TMEM132B: variants seen among roughly 807,000 people sequenced by gnomAD.
TMEM132B encodes the protein transmembrane protein 132B.
Under a neutral mutation model 90.8 loss-of-function variants are expected in TMEM132B, and 18 were observed. The observed-to-expected ratio is 0.20, with a 90% CI of 0.14 to 0.29. The LOEUF (loss-of-function observed/expected upper bound fraction) is 0.29, where lower values mean the gene tolerates loss of function less well. Among genes scored for constraint, TMEM132B ranks in the 10% least tolerant of loss-of-function variants. The pLI is 1.00. For synonymous variants in TMEM132B, 504 were observed against 523.3 expected, an observed-to-expected ratio of 0.96 and a Z score of 0.50; for missense variants, 1,096 against 1,326.8, an observed-to-expected ratio of 0.83 and a Z score of 2.70.
intron 1 of TMEM132B, among the ~76,000 whole-genome samples, chr12:125,224,293 T>C (rs1191429183): frequency 6.6e-6 from 1 of 152,258 alleles, no homozygotes; most frequent in Non-Finnish European, 1.5e-5. Flanking sequence ...TTTGTACTCC[T>C]GTTTCCATTT....
rs576330186 is a variant in TMEM132B at position 125,572,982 on chromosome 12, T to C, written c.1294-10869T>C. On this transcript the variant is annotated intron_variant, in intron 4 of 8. Transcript: ENST00000682704. ...AGTGGGTGCCCCTTCACTCTGCCTC[T>C]TGTGTCCTTTTGACATTTTTTTTGA... 1.5e-4 allele frequency among the ~76,000 whole-genome samples: 23 copies of C among 152,340 alleles called. No homozygotes were observed. The South Asian group carries it at 4.8e-3, about 32-fold the overall frequency.
At chr12:125,243,010 C>CATATATATATATATATAT (rs763167605) in intron 1 of TMEM132B, among the ~76,000 whole-genome samples, 29 of 109,318 alleles carry the variant, frequency 2.7e-4, no homozygotes, top group South Asian at 9.9e-4. Flanking sequence ...TCTCTTTCTT[C>CATATATATATATATATAT]ATATATATAT....
chr12:125,197,828 A>G (rs1445572652), intron 1 of TMEM132B, among the ~76,000 whole-genome samples: 1 of 152,276 alleles, frequency 6.6e-6, no homozygotes, highest in Admixed American at 6.5e-5. Context: ...GGTAACTCTC[A>G]GTGGAAAAAG....
chr12:125,372,018 T>G (rs1421729542), intron 2 of TMEM132B, among the ~76,000 whole-genome samples: 1 of 152,194 alleles, frequency 6.6e-6, no homozygotes, highest in African/African-American at 2.4e-5. Context: ...AAGAAGCAAA[T>G]GCATTGTGCC....
At chr12:125,500,171 A>G (rs1426649593) in intron 3 of TMEM132B, among the ~76,000 whole-genome samples, 3 of 152,350 alleles carry the variant, frequency 2.0e-5, no homozygotes, top group East Asian at 1.9e-4. Flanking sequence ...GTTGCATTGC[A>G]GGCTGCTGGC....
chr12:125,436,584 G>A (rs928886366), intron 3 of TMEM132B, among the ~76,000 whole-genome samples: 5 of 152,140 alleles, frequency 3.3e-5, no homozygotes, highest in Non-Finnish European at 5.9e-5. Context: ...GAACTTCGAA[G>A]ATTGCCAGCA....
At chr12:125,434,211 C>T (rs1008715858) in intron 3 of TMEM132B, among the ~76,000 whole-genome samples, 6 of 152,170 alleles carry the variant, frequency 3.9e-5, no homozygotes, top group Admixed American at 6.5e-5. Context: ...GCCACGGTCA[C>T]GTCTCATTCT....
At chr12:125,553,283 G>A (rs1447958838) in intron 4 of TMEM132B, among the ~76,000 whole-genome samples, 1 of 152,204 alleles carries the variant, frequency 6.6e-6, no homozygotes, top group Non-Finnish European at 1.5e-5. Context: ...TGTTAAATGA[G>A]CACCTGGTAG....
At chr12:125,651,586 G>A (rs1886925429) in intron 7 of TMEM132B, among the ~76,000 whole-genome samples, 1 of 152,210 alleles carries the variant, frequency 6.6e-6, no homozygotes, top group South Asian at 2.1e-4. Context: ...AACATGGTAT[G>A]TTCTGTGTTT....
intron 5 of TMEM132B, among the ~76,000 whole-genome samples, chr12:125,634,712 T>C (rs1886441598): frequency 6.6e-6 from 1 of 152,180 alleles, no homozygotes; most frequent in Non-Finnish European, 1.5e-5. Flanking sequence ...TGTCTAGTAA[T>C]GTTATCTGGG....
chr12:125,376,103 C>A (rs1878471557), intron 2 of TMEM132B, among the ~76,000 whole-genome samples: 1 of 152,172 alleles, frequency 6.6e-6, no homozygotes, highest in African/African-American at 2.4e-5. Flanking sequence ...CTCTTGCACC[C>A]CCTAACCTCT....
intron 5 of TMEM132B, among the ~76,000 whole-genome samples, chr12:125,615,853 A>G (rs1885973101): frequency 6.6e-6 from 1 of 152,208 alleles, no homozygotes; most frequent in Admixed American, 6.5e-5. Flanking sequence ...ATCAACTGAC[A>G]AAAGGCAGAT....
chr12:125,556,749 A>C (rs1157832614), intron 4 of TMEM132B, among the ~76,000 whole-genome samples: 2 of 152,144 alleles, frequency 1.3e-5, no homozygotes, highest in African/African-American at 4.8e-5. Flanking sequence ...CACTATAGAC[A>C]TTACATCTGT....
In TMEM132B at chr12:125,412,408, T is replaced by C. The variant is rs1879875609; in HGVS notation, c.960-3123T>C. 1.3e-5 allele frequency among the ~76,000 whole-genome samples: 2 copies of C among 152,188 alleles called. 1 individual carries two copies. Among genetic ancestry groups the C allele is most frequent in the Admixed American group, 1.3e-4 (2 of 15,282 alleles). ...GTCCCCAGACTTAACTACTGAGGCA[T>C]TTGTCAGGCAATAAATGATGCAATG... On this transcript the variant is annotated intron_variant, in intron 2 of 8. Coordinates refer to ENST00000682704, the MANE Select transcript of TMEM132B (RefSeq NM_001366854.1).
intron 2 of TMEM132B, among the ~76,000 whole-genome samples, chr12:125,398,849 C>A (rs1879233182): frequency 6.6e-6 from 1 of 152,208 alleles, no homozygotes; most frequent in Non-Finnish European, 1.5e-5. Context: ...GGGTCCTCAG[C>A]TTTGGATCTC....
intron 1 of TMEM132B, among the ~76,000 whole-genome samples, chr12:125,299,912 C>T (rs1462816656): frequency 1.3e-5 from 2 of 152,216 alleles, no homozygotes; most frequent in African/African-American, 2.4e-5. Context: ...CAGATTATGC[C>T]ATTTCCCTGC....
intron 1 of TMEM132B, among the ~76,000 whole-genome samples, chr12:125,248,185 CGGCT>C: frequency 6.6e-6 from 1 of 152,260 alleles, no homozygotes; most frequent in Admixed American, 6.5e-5. Flanking sequence ...TTTAAAGCGA[CGGCT>C]CTGCAATTCT....
In TMEM132B at chr12:125,659,741, C is replaced by A. The variant is rs1455406837; in HGVS notation, c.*5031C>A. 3 of 152,206 alleles carry A rather than the reference C, an allele frequency of 2.0e-5. No individual in the cohort carries two copies. Among genetic ancestry groups the A allele is most frequent in the Non-Finnish European group, 2.9e-5 (2 of 68,050 alleles). The allele number at this position is 152,206 out of a possible 1,614,324, so 9.4% of individuals were successfully genotyped here. A position where few individuals can be genotyped will look rare whatever the true frequency, so the allele number is the denominator to read the frequency against. On this transcript the variant is annotated 3_prime_UTR_variant, in exon 9 of 9. Coordinates refer to ENST00000682704, the MANE Select transcript of TMEM132B (RefSeq NM_001366854.1). Reference sequence around the variant, plus strand: ...TCATAATAAATGCCCAATACCAAACCTAGTCTTTCTCCAGGCCCTTCAGAC... The same window carrying A: ...TCATAATAAATGCCCAATACCAAACATAGTCTTTCTCCAGGCCCTTCAGAC...
chr12:125,615,063 A>G (rs112465727), intron 5 of TMEM132B, among the ~76,000 whole-genome samples: 27 of 152,220 alleles, frequency 1.8e-4, no homozygotes, highest in African/African-American at 6.3e-4. Context: ...TTTCTCTTAT[A>G]CAAGATGAGT....
Sources: gnomAD v4.1 joint callset for allele counts (sites outside exome capture counted in the v4.1 genomes callset) on GRCh38, gnomAD v4.1.1 for gene constraint, MANE v1.5 for transcripts, NCBI Gene and HGNC (gene_info 2026-07-23, HGNC 2026-07-21) for gene names.